The following GALNT13 variants were observed in gnomAD, a reference collection of about 807,000 sequenced individuals.
The protein encoded by GALNT13 is polypeptide N-acetylgalactosaminyltransferase 13.
Under a neutral mutation model 64.2 loss-of-function variants are expected in GALNT13, and 28 were observed. That is an observed-to-expected ratio of 0.44 (90% CI 0.32 to 0.60). GALNT13 has a LOEUF of 0.60. Ranked by LOEUF, GALNT13 falls within the 20% of genes least tolerant of loss-of-function variation. GALNT13 has a pLI of 0.05. For missense variants in GALNT13, 577 were observed against 669.8 expected, an observed-to-expected ratio of 0.86 and a Z score of 1.53; for synonymous variants, 214 against 224.6, an observed-to-expected ratio of 0.95 and a Z score of 0.42.
chr2:153,298,891 G>A, the GALNT13 span, among the ~76,000 whole-genome samples: 20 of 152,242 alleles, frequency 1.3e-4, no homozygotes, highest in African/African-American at 4.3e-4. Context: ...TGGAAGGTAA[G>A]ATCAATACTT....
the GALNT13 span, among the ~76,000 whole-genome samples, chr2:153,538,343 T>A: frequency 9.1e-6 from 1 of 109,704 alleles, no homozygotes; most frequent in Admixed American, 9.5e-5. Flanking sequence ...TTTTTTTTTT[T>A]ACTTTTTTAT....
chr2:153,552,206 C>A, the GALNT13 span, among the ~76,000 whole-genome samples: 2 of 151,936 alleles, frequency 1.3e-5, no homozygotes, highest in African/African-American at 2.4e-5. Flanking sequence ...TTAAATAGAT[C>A]GAGGAAAGAC....
chr2:154,331,790 C>CT (rs920885269), intron 9 of GALNT13, among the ~76,000 whole-genome samples: 136 of 150,166 alleles, frequency 9.1e-4, no homozygotes, highest in African/African-American at 3.0e-3. Flanking sequence ...ACTTTTTAAA[C>CT]TTTTTTTTTT....
chr2:153,478,698 A>G, the GALNT13 span: 4 of 753,812 alleles, frequency 5.3e-6, no homozygotes, highest in Non-Finnish European at 8.6e-6. Context: ...TCTGCTTTCG[A>G]AAGTCCCTGG....
chr2:154,241,763 GT>G (rs1689500040), intron 4 of GALNT13, among the ~76,000 whole-genome samples: 1 of 152,012 alleles, frequency 6.6e-6, no homozygotes, highest in South Asian at 2.1e-4. Flanking sequence ...TATTTCTTAG[GT>G]TTTTCTTAGA....
chr2:153,225,723 ATAG>A, the GALNT13 span, among the ~76,000 whole-genome samples: 1 of 152,356 alleles, frequency 6.6e-6, no homozygotes, highest in African/African-American at 2.4e-5. Flanking sequence ...AAAAAAATTA[ATAG>A]TAGCACCTAA....
the GALNT13 span, among the ~76,000 whole-genome samples, chr2:153,547,973 G>A: frequency 6.6e-6 from 1 of 152,308 alleles, no homozygotes; most frequent in African/African-American, 2.4e-5. Flanking sequence ...ACTTGGCATA[G>A]TTCCTGAAAT....
the GALNT13 span, among the ~76,000 whole-genome samples, chr2:153,675,555 G>A: frequency 1.3e-5 from 2 of 152,220 alleles, no homozygotes; most frequent in African/African-American, 4.8e-5. Context: ...CAGGTGGGGG[G>A]CTGGGGGAGG....
the GALNT13 span, among the ~76,000 whole-genome samples, chr2:153,647,058 G>A: frequency 6.6e-6 from 1 of 152,118 alleles, no homozygotes; most frequent in African/African-American, 2.4e-5. Flanking sequence ...CACAAAGGTT[G>A]AACTAGTTTA....
At chr2:153,498,831 A>G in the GALNT13 span, among the ~76,000 whole-genome samples, 1 of 149,840 alleles carries the variant, frequency 6.7e-6, no homozygotes, top group Non-Finnish European at 1.5e-5. Flanking sequence ...CAATCCTGCC[A>G]TTTGGTGGGT....
chr2:153,594,259 T>C, the GALNT13 span, among the ~76,000 whole-genome samples: 2 of 152,154 alleles, frequency 1.3e-5, no homozygotes, highest in South Asian at 4.1e-4. Context: ...AGCACTCTTC[T>C]AAAACTGTTC....
chr2:153,755,536 C>T, the GALNT13 span, among the ~76,000 whole-genome samples: 2 of 152,192 alleles, frequency 1.3e-5, no homozygotes, highest in South Asian at 4.1e-4. Context: ...CCATTGACCT[C>T]TTGTATGTTT....
intron 11 of GALNT13, among the ~76,000 whole-genome samples, chr2:154,410,941 A>G (rs764776793): frequency 1.3e-5 from 2 of 151,908 alleles, no homozygotes; most frequent in Non-Finnish European, 2.9e-5. Context: ...GAAATAAGCT[A>G]TCTCACTCTA....
At chr2:153,196,600 T>C in the GALNT13 span, among the ~76,000 whole-genome samples, 1 of 151,974 alleles carries the variant, frequency 6.6e-6, no homozygotes, top group Non-Finnish European at 1.5e-5. Flanking sequence ...CTGGAGCTCC[T>C]GCCTGCTCCA....
the GALNT13 span, among the ~76,000 whole-genome samples, chr2:153,315,950 C>A: frequency 0.026 from 2,462 of 95,622 alleles, 31 homozygotes; most frequent in Non-Finnish European, 0.037. Flanking sequence ...TCCTAAAACT[C>A]AGTAATAAGA....
At chr2:154,052,701 G>GAC (rs1446751870) in intron 3 of GALNT13, among the ~76,000 whole-genome samples, 1 of 150,356 alleles carries the variant, frequency 6.7e-6, no homozygotes, top group Admixed American at 6.6e-5. Context: ...TGACTGAATG[G>GAC]ACACTTCTTT....
At chr2:154,285,708 T>C (rs1202428207) in intron 8 of GALNT13, among the ~76,000 whole-genome samples, 1 of 152,166 alleles carries the variant, frequency 6.6e-6, no homozygotes, top group Admixed American at 6.5e-5. Flanking sequence ...GAGTCTTTTC[T>C]GCTTCCATAT....
chr2:153,147,875 G>T, the GALNT13 span, among the ~76,000 whole-genome samples: 1 of 151,770 alleles, frequency 6.6e-6, no homozygotes, highest in African/African-American at 2.4e-5. Context: ...GGAGAAGGAT[G>T]ATCACAGTAA....
In GALNT13 at chr2:154,091,316, C is replaced by T. The variant is rs906826944; in HGVS notation, c.143-49021C>T. Reference sequence around the variant, plus strand: ...AATTTTATTTATATTTAATTTTTAACGTTCTGTTCTTACTACTGACTTGAA... The same window carrying T: ...AATTTTATTTATATTTAATTTTTAATGTTCTGTTCTTACTACTGACTTGAA... On this transcript the variant is annotated intron_variant, in intron 3 of 12. Transcript: ENST00000392825. Among the ~76,000 whole-genome samples the T allele has an allele frequency of 7.2e-5, 11 of 151,838 alleles. 1 individual carries two copies. Among genetic ancestry groups the T allele is most frequent in the East Asian group, 3.9e-4 (2 of 5,152 alleles).
Sources: allele counts gnomAD v4.1 joint callset (sites outside exome capture counted in the v4.1 genomes callset), GRCh38; gene constraint gnomAD v4.1.1; transcripts MANE v1.5; gene names NCBI Gene and HGNC (gene_info 2026-07-23, HGNC 2026-07-21).